The following RORB variants were observed in gnomAD, a reference collection of about 807,000 sequenced individuals.
The protein encoded by RORB is nuclear receptor ROR-beta.
In RORB, 6 loss-of-function variants were observed where a neutral mutation model predicts 59.1. The observed-to-expected ratio is 0.10, with a 90% CI of 0.06 to 0.20. The LOEUF is 0.20. Ranked by LOEUF, RORB falls within the 10% of genes least tolerant of loss-of-function variation. The probability of loss-of-function intolerance (pLI) is 1.00; values close to 1 mark genes in which losing one functional copy is unlikely to be tolerated. For missense variants in RORB, 320 were observed against 560.5 expected, an observed-to-expected ratio of 0.57 and a Z score of 4.33; for synonymous variants, 215 against 204.5, an observed-to-expected ratio of 1.05 and a Z score of -0.44.
chr9:74,536,631 C>T (rs183691978), intron 1 of RORB, among the ~76,000 whole-genome samples: 100 of 152,008 alleles, frequency 6.6e-4, no homozygotes, highest in Non-Finnish European at 1.2e-3. Flanking sequence ...CTGACTGTCC[C>T]GTAGCAATAA....
At chr9:74,579,557 G>A (rs541129848) in intron 1 of RORB, among the ~76,000 whole-genome samples, 2 of 152,058 alleles carry the variant, frequency 1.3e-5, no homozygotes, top group Admixed American at 6.6e-5. Flanking sequence ...GTTGACACAA[G>A]ATTAAAATAT....
At chr9:74,591,004 C>T (rs1219673246) in intron 1 of RORB, among the ~76,000 whole-genome samples, 1 of 152,114 alleles carries the variant, frequency 6.6e-6, no homozygotes, top group East Asian at 1.9e-4. Context: ...ACCATGTTAA[C>T]CAGGATAGTC....
In RORB at chr9:74,690,351, G is replaced by T. The variant is rs1824720418; in HGVS notation, c.*4733G>T. The T allele has an allele frequency of 6.6e-6, 1 of 152,262 alleles. No individual in the cohort carries two copies. The highest frequency in any genetic ancestry group is 6.5e-5 in the Admixed American group (1 of 15,290). 9.4% of individuals were successfully genotyped at this position (152,262 alleles called of 1,614,324 possible). A position where few individuals can be genotyped will look rare whatever the true frequency, so the allele number is the denominator to read the frequency against. On this transcript the variant is annotated 3_prime_UTR_variant, in exon 10 of 10. Coordinates refer to ENST00000376896, the MANE Select transcript of RORB (RefSeq NM_006914.4). The stretch of plus-strand genomic sequence containing the variant: ...AAAATTCGAAAGCCTAAAAGGGCCA[G>T]GGGGCTTAATGCAAATGGGTGAAGC...
At chr9:74,602,131 A>G (rs1388608603) in intron 1 of RORB, among the ~76,000 whole-genome samples, 5 of 152,126 alleles carry the variant, frequency 3.3e-5, no homozygotes, top group Non-Finnish European at 5.9e-5. Flanking sequence ...CTTAGAGGAA[A>G]CATCACAAAC....
At chr9:74,640,721 G>T (rs970554413) in intron 3 of RORB, among the ~76,000 whole-genome samples, 7 of 152,148 alleles carry the variant, frequency 4.6e-5, no homozygotes, top group African/African-American at 1.7e-4. Context: ...TGCGACACTT[G>T]CATTTACTTC....
chr9:74,628,931 C>A (rs935170996), intron 1 of RORB, among the ~76,000 whole-genome samples: 1 of 152,116 alleles, frequency 6.6e-6, no homozygotes, highest in Non-Finnish European at 1.5e-5. Context: ...ATATACAGGA[C>A]TTTACACCAA....
At chr9:74,516,645 G>A (rs1437300379) in intron 1 of RORB, among the ~76,000 whole-genome samples, 3 of 151,992 alleles carry the variant, frequency 2.0e-5, no homozygotes, top group Non-Finnish European at 4.4e-5. Context: ...ATGAAGCAGA[G>A]AAGCAGTCTG....
intron 1 of RORB, among the ~76,000 whole-genome samples, chr9:74,575,037 G>A (rs1162514991): frequency 6.6e-6 from 1 of 152,040 alleles, no homozygotes; most frequent in Non-Finnish European, 1.5e-5. Context: ...CATAAAGTGT[G>A]TCCTAAACCC....
At chr9:74,532,810 A>G (rs1826265057) in intron 1 of RORB, among the ~76,000 whole-genome samples, 2 of 146,092 alleles carry the variant, frequency 1.4e-5, no homozygotes. Context: ...ATACGTATAT[A>G]TATACACATA....
intron 1 of RORB, among the ~76,000 whole-genome samples, chr9:74,605,798 T>A (rs1258939230): frequency 3.3e-5 from 5 of 152,208 alleles, no homozygotes. Flanking sequence ...GGATCCACAT[T>A]ATTAATTATG....
chr9:74,628,053 A>G (rs1474453111), intron 1 of RORB, among the ~76,000 whole-genome samples: 1 of 152,186 alleles, frequency 6.6e-6, no homozygotes, highest in Non-Finnish European at 1.5e-5. Flanking sequence ...GAAGTTTGTC[A>G]GTTAAGCTTT....
chr9:74,518,246 G>A (rs1477356019), intron 1 of RORB, among the ~76,000 whole-genome samples: 3 of 151,994 alleles, frequency 2.0e-5, no homozygotes, highest in Non-Finnish European at 4.4e-5. Context: ...TAAGATGAAA[G>A]CTTCCCTCCG....
At chr9:74,576,407 G>A (rs1822635597) in intron 1 of RORB, among the ~76,000 whole-genome samples, 1 of 152,092 alleles carries the variant, frequency 6.6e-6, no homozygotes, top group African/African-American at 2.4e-5. Context: ...AAACATCACA[G>A]AAGTGGGAAT....
chr9:74,640,403 A>T (rs1466092220), intron 3 of RORB, among the ~76,000 whole-genome samples: 1 of 151,432 alleles, frequency 6.6e-6, no homozygotes, highest in African/African-American at 2.4e-5. Context: ...CACCACGCCC[A>T]CAAGCACATA....
At chr9:74,650,014 C>T (rs1823966109) in intron 4 of RORB, among the ~76,000 whole-genome samples, 1 of 152,138 alleles carries the variant, frequency 6.6e-6, no homozygotes, top group South Asian at 2.1e-4. Flanking sequence ...TCTACCACCA[C>T]CACCAACAAC....
intron 1 of RORB, among the ~76,000 whole-genome samples, chr9:74,578,220 AT>A (rs1822666661): frequency 6.6e-6 from 1 of 152,086 alleles, no homozygotes. Flanking sequence ...TCCTCTCTAA[AT>A]TTTTAGTGTT....
intron 1 of RORB, among the ~76,000 whole-genome samples, chr9:74,526,741 G>A (rs1826161154): frequency 6.6e-6 from 1 of 151,906 alleles, no homozygotes; most frequent in Non-Finnish European, 1.5e-5. Context: ...CACCACATCT[G>A]CAATAATATA....
intron 4 of RORB, among the ~76,000 whole-genome samples, chr9:74,650,981 A>T (rs766803633): frequency 6.6e-6 from 1 of 152,178 alleles, no homozygotes; most frequent in African/African-American, 2.4e-5. Context: ...ACAAAATTCA[A>T]ATGGTGAAAA....
At chr9:74,664,410 G>A (rs1174430053) in intron 6 of RORB, among the ~76,000 whole-genome samples, 1 of 152,036 alleles carries the variant, frequency 6.6e-6, no homozygotes, top group Non-Finnish European at 1.5e-5. Flanking sequence ...GTTGACTCTA[G>A]TCAAAAAGGT....
Sources: gnomAD v4.1 joint callset for allele counts (sites outside exome capture counted in the v4.1 genomes callset) on GRCh38, gnomAD v4.1.1 for gene constraint, MANE v1.5 for transcripts, NCBI Gene and HGNC (gene_info 2026-07-23, HGNC 2026-07-21) for gene names.